Variants in TTC9 observed in about 807,000 individuals in gnomAD.
TTC9 encodes tetratricopeptide repeat protein 9A.
TTC9 carries 13 observed loss-of-function variants against 22.9 expected under a neutral mutation model. That is an observed-to-expected ratio of 0.57 (90% CI 0.37 to 0.90). The LOEUF (loss-of-function observed/expected upper bound fraction) is 0.90. Ranked by LOEUF, TTC9 falls within the 40% of genes least tolerant of loss-of-function variation. The pLI is 0.01. For missense variants in TTC9, 280 were observed against 291.8 expected, an observed-to-expected ratio of 0.96 and a Z score of 0.29; for synonymous variants, 148 against 133.2, an observed-to-expected ratio of 1.11 and a Z score of -0.77.
chr14:70,660,068 T>C (rs1886123181), intron 1 of TTC9, among the ~76,000 whole-genome samples: 1 of 152,236 alleles, frequency 6.6e-6, no homozygotes, highest in East Asian at 1.9e-4. Context: ...TCTGGGAGGA[T>C]GGATGGATAC....
At chr14:70,657,246 G>A (rs1250780361) in intron 1 of TTC9, among the ~76,000 whole-genome samples, 2 of 152,172 alleles carry the variant, frequency 1.3e-5, no homozygotes, top group Non-Finnish European at 2.9e-5. Flanking sequence ...GAAGCCCTGG[G>A]CACAGGCCAC....
At chr14:70,646,602 G>A (rs934639501) in intron 1 of TTC9, among the ~76,000 whole-genome samples, 1 of 152,204 alleles carries the variant, frequency 6.6e-6, no homozygotes, top group African/African-American at 2.4e-5. Flanking sequence ...CATGGCATTG[G>A]ACCTGAAGGC....
At position 70,642,135 on chromosome 14, in the gene TTC9, G is replaced by A. The variant is rs925334573; in HGVS notation, c.6G>A (p.Glu2=). 1.9e-5 allele frequency: 22 copies of A among 1,148,036 alleles called. No homozygotes were observed. The highest frequency in any genetic ancestry group is 2.4e-5 in the Non-Finnish European group (22 of 930,862). 71.1% of individuals were successfully genotyped at this position (1,148,036 alleles called of 1,614,324 possible). The change falls in exon 1 of 3, where the codon GAG becomes GAA. Residue 2 remains glutamate (E), a synonymous_variant. Transcript: ENST00000256367. ...GGCGCCGGGGCGGCGGCCGAATGGAGAGAAAGGGCTCGGCGGCCGGGGCCA... is the reference window on the plus strand; with the variant it reads ...GGCGCCGGGGCGGCGGCCGAATGGAAAGAAAGGGCTCGGCGGCCGGGGCCA... M[E]RKGSAAGAKG... is the part of the protein sequence containing the mutation.
intron 1 of TTC9, among the ~76,000 whole-genome samples, chr14:70,655,305 ACT>A (rs2139644259): frequency 6.6e-6 from 1 of 151,640 alleles, no homozygotes; most frequent in East Asian, 1.9e-4. Context: ...GAGGCAGGAG[ACT>A]CGCCTGAACC....
In TTC9 at chr14:70,652,944, A is replaced by C. The variant is rs77435737; in HGVS notation, c.406+10409A>C. 3.2e-3 allele frequency among the ~76,000 whole-genome samples: 488 copies of C among 152,350 alleles called. 21 individuals carry two copies. The East Asian group carries it at 0.084, about 26-fold the overall frequency. On this transcript the variant is annotated intron_variant, in intron 1 of 2. Coordinates refer to ENST00000256367, the MANE Select transcript of TTC9 (RefSeq NM_015351.2). ...AGATAGGAAGCAACCTAGACCTCAG[A>C]AAACCTGAGGGGTAATGTGGCATAA...
chr14:70,644,681 AAGAAAT>A (rs1261111162), intron 1 of TTC9, among the ~76,000 whole-genome samples: 9 of 152,328 alleles, frequency 5.9e-5, no homozygotes. Flanking sequence ...AACCAGGAGA[AAGAAAT>A]AGAATACTTT....
At chr14:70,646,706 T>G (rs1015828379) in intron 1 of TTC9, among the ~76,000 whole-genome samples, 1 of 152,144 alleles carries the variant, frequency 6.6e-6, no homozygotes, top group Admixed American at 6.5e-5. Context: ...TACTCAGAGC[T>G]ATGTTTAGGA....
At chr14:70,670,940 A>G in intron 2 of TTC9, 136 bp from the exon 3 acceptor site, 1 of 704,526 alleles carries the variant, frequency 1.4e-6, no homozygotes, top group Non-Finnish European at 2.3e-6. Flanking sequence ...CTCAGCCACC[A>G]TGGATAGGCA....
At chr14:70,656,139 A>T (rs1489433769) in intron 1 of TTC9, among the ~76,000 whole-genome samples, 1 of 152,114 alleles carries the variant, frequency 6.6e-6, no homozygotes, top group African/African-American at 2.4e-5. Flanking sequence ...ACTCTGCTAT[A>T]GATATTACAA....
chr14:70,657,985 CAAAG>C (rs1886090245), intron 1 of TTC9, among the ~76,000 whole-genome samples: 1 of 151,744 alleles, frequency 6.6e-6, no homozygotes, highest in Non-Finnish European at 1.5e-5. Context: ...AACAAACAAA[CAAAG>C]AAACAGCCAC....
At chr14:70,655,509 G>T (rs553537386) in intron 1 of TTC9, among the ~76,000 whole-genome samples, 1 of 152,078 alleles carries the variant, frequency 6.6e-6, no homozygotes, top group East Asian at 1.9e-4. Flanking sequence ...TTTCTTCCGT[G>T]TGGGTGTATG....
At chr14:70,661,650 G>A (rs1886146167) in intron 1 of TTC9, among the ~76,000 whole-genome samples, 1 of 152,226 alleles carries the variant, frequency 6.6e-6, no homozygotes, top group Non-Finnish European at 1.5e-5. Flanking sequence ...AGGTGCCAGA[G>A]TGAGGAGAAC....
chr14:70,644,457 T>A (rs1474234899), intron 1 of TTC9, among the ~76,000 whole-genome samples: 1 of 152,216 alleles, frequency 6.6e-6, no homozygotes, highest in Non-Finnish European at 1.5e-5. Flanking sequence ...TCTTTAAATC[T>A]TTATAATCTA....
chr14:70,661,082 G>C (rs1462313617), intron 1 of TTC9, among the ~76,000 whole-genome samples: 1 of 152,106 alleles, frequency 6.6e-6, no homozygotes, highest in East Asian at 1.9e-4. Flanking sequence ...GGTTCCCTCT[G>C]AGGGCTGTGA....
intron 1 of TTC9, among the ~76,000 whole-genome samples, chr14:70,646,744 A>T (rs993127093): frequency 2.6e-5 from 4 of 152,208 alleles, no homozygotes; most frequent in Non-Finnish European, 5.9e-5. Flanking sequence ...CCAAAGGGGC[A>T]GCTAATATCC....
intron 1 of TTC9, among the ~76,000 whole-genome samples, chr14:70,661,804 C>T (rs1195416808): frequency 6.6e-6 from 1 of 152,192 alleles, no homozygotes; most frequent in East Asian, 1.9e-4. Flanking sequence ...CTGTGGGCCT[C>T]AGAAGGCCTG....
In TTC9 at chr14:70,642,522, C is replaced by A. The variant is rs1352409137; in HGVS notation, c.393C>A (p.Tyr131Ter). The A allele has an allele frequency of 4.5e-6, 7 of 1,540,684 alleles. No individual in the cohort carries two copies. The highest frequency in any genetic ancestry group is 2.6e-6 in the Non-Finnish European group (3 of 1,142,822). Residue 131 changes from tyrosine to a stop codon, truncating the protein, a stop_gained, in exon 1 of 3, where the codon TAC (tyrosine) becomes TAA (stop). Coordinates refer to ENST00000256367, the MANE Select transcript of TTC9 (RefSeq NM_015351.2). LOFTEE classifies it high-confidence loss of function. ...KTVEAIEIDCYNSLAACLLQA... is the reference protein window; with the variant it reads ...KTVEAIEIDC ...TGGAAGCCATCGAGATCGACTGTTA[C>A]AACAGCCTGGCAGGTGAGCCGCGCC...
chr14:70,642,542 C>A lies in TTC9; in HGVS notation c.406+7C>A. 1 of 1,533,406 alleles carries A rather than the reference C, an allele frequency of 6.5e-7. No homozygotes were observed. The allele number at this position is 1,533,406 out of a possible 1,614,324, so 95.0% of individuals were successfully genotyped here. On this transcript the variant is annotated splice_region_variant and intron_variant, in intron 1 of 2. Transcript: ENST00000256367. Reference sequence around the variant, plus strand: ...TGTTACAACAGCCTGGCAGGTGAGCCGCGCCGCGCCCCCCGCGCCGCGGTC... The same window carrying A: ...TGTTACAACAGCCTGGCAGGTGAGCAGCGCCGCGCCCCCCGCGCCGCGGTC...
chr14:70,649,487 A>G (rs1885950582), intron 1 of TTC9, among the ~76,000 whole-genome samples: 1 of 152,240 alleles, frequency 6.6e-6, no homozygotes. Flanking sequence ...TGAGACAGAA[A>G]AGTCAACCTT....
Sources: gnomAD v4.1 joint callset for allele counts (sites outside exome capture counted in the v4.1 genomes callset) on GRCh38, gnomAD v4.1.1 for gene constraint, MANE v1.5 for transcripts, NCBI Gene and HGNC (gene_info 2026-07-23, HGNC 2026-07-21) for gene names.